Variants in SLFN13 observed in about 807,000 individuals in gnomAD.
SLFN13 encodes the protein schlafen-13.
In SLFN13, 43 loss-of-function variants were observed where a neutral mutation model predicts 50.6. The ratio of observed to expected loss-of-function variants is 0.85; its 90% CI spans 0.67 to 1.09. SLFN13 has a LOEUF of 1.09. Among genes scored for constraint, SLFN13 ranks in the 50% least tolerant of loss-of-function variants. The probability of loss-of-function intolerance (pLI) is 0.00; values close to 1 mark genes in which losing one functional copy is unlikely to be tolerated. For synonymous variants in SLFN13, 339 were observed against 386.5 expected, an observed-to-expected ratio of 0.88 and a Z score of 1.44; for missense variants, 881 against 1,071.1, an observed-to-expected ratio of 0.82 and a Z score of 2.48.
chr17:35,446,315 A>G (rs1413837546), intron 2 of SLFN13, among the ~76,000 whole-genome samples: 1 of 152,212 alleles, frequency 6.6e-6, no homozygotes, highest in Non-Finnish European at 1.5e-5. Flanking sequence ...TAATGACTGG[A>G]AAGTGTTACT....
In SLFN13 at chr17:35,445,625, A is replaced by T; in HGVS notation, c.56T>A (p.Ile19Asn). 1 of 1,614,080 alleles carries T rather than the reference A, an allele frequency of 6.2e-7. No homozygotes were observed. ...TCCCAGAGTCACTTCTCCGACATCG[A>T]TGACCAGGTCTGGGTAAGATGGATA... The part of the protein sequence containing the change: ...GVYPSYPDLV[I>N]DVGEVTLGEE... Residue 19 changes from isoleucine to asparagine, a missense_variant, in exon 3 of 6, where the codon ATC becomes AAC. Ile to Asn is a moderately radical substitution (Grantham distance 149). Around this residue, in one of 5 missense-constraint regions of SLFN13, gnomAD observed 497 missense variants for 518.3 expected, o/e 0.96. Transcript: ENST00000285013.
In SLFN13 at chr17:35,445,337, T is replaced by C. The variant is rs111772044; in HGVS notation, c.344A>G (p.Asp115Gly). 463 of 1,613,862 alleles carry C rather than the reference T, an allele frequency of 2.9e-4. 3 individuals are homozygous for C. The African/African-American group carries it at 5.3e-3, about 19-fold the overall frequency. ...GAAAGAACCATCTTTAAGGAAAGGATCACCACTCCAAGATTTAACAAAAAT... is the reference window on the plus strand; with the variant it reads ...GAAAGAACCATCTTTAAGGAAAGGACCACCACTCCAAGATTTAACAAAAAT... ...FYIFVKSWSG[D>G]PFLKDGSFNS... Residue 115 changes from aspartate to glycine, a missense_variant, in exon 3 of 6, where the codon GAT becomes GGT. By Grantham distance (94) the Asp-to-Gly change is moderately conservative. Transcript: ENST00000285013.
intron 3 of SLFN13, 53 bp downstream of exon 3, chr17:35,444,562 G>T (rs1371075394): frequency 2.0e-6 from 3 of 1,468,150 alleles, no homozygotes; most frequent in Non-Finnish European, 2.8e-6. Context: ...GAAGGAAGTG[G>T]TATTGGGGAA....
intron 2 of SLFN13, among the ~76,000 whole-genome samples, chr17:35,446,387 G>A (rs1306817699): frequency 6.6e-6 from 1 of 152,148 alleles, no homozygotes; most frequent in Non-Finnish European, 1.5e-5. Flanking sequence ...TCAGACACCT[G>A]GGAAATGGGC....
In SLFN13 at chr17:35,441,031, G is replaced by A; in HGVS notation, c.2258C>T (p.Pro753Leu). The A allele has an allele frequency of 6.2e-7, 1 of 1,613,164 alleles. No homozygotes were observed. Among genetic ancestry groups the A allele is most frequent in the Non-Finnish European group, 8.5e-7 (1 of 1,179,994 alleles). ...CAGATACCCATGGGGGATATTAATT[G>A]GAGGATTTTCTATAATTAGTTGCAT... ...QEMQLIIENP[P>L]INIPHGYLAI... The change falls in exon 6 of 6, where the codon CCA becomes CTA. Residue 753 changes from proline to leucine, a missense_variant. Pro to Leu is a moderately conservative substitution (Grantham distance 98). Around this residue, in one of 5 missense-constraint regions of SLFN13, gnomAD observed 322 missense variants for 327.4 expected, o/e 0.98. Transcript: ENST00000285013.
At chr17:35,441,442 C>G in intron 5 of SLFN13, 76 bp from the exon 6 acceptor site, 1 of 1,577,326 alleles carries the variant, frequency 6.3e-7, no homozygotes, top group Non-Finnish European at 8.6e-7. Flanking sequence ...CATGTTCCTC[C>G]GAGCACAGTA....
intron 2 of SLFN13, chr17:35,446,893 C>T (rs1164813889): frequency 6.6e-6 from 1 of 152,208 alleles, no homozygotes; most frequent in Admixed American, 6.5e-5. Context: ...AGGATTCTGT[C>T]TTGCATTCCG....
upstream of SLFN13, among the ~76,000 whole-genome samples, chr17:35,449,561 T>A (rs1294584386): frequency 6.6e-6 from 1 of 152,174 alleles, no homozygotes; most frequent in Non-Finnish European, 1.5e-5. Context: ...CGGGCGGCAC[T>A]CGGTTCCTGG....
At chr17:35,445,741 C>G (rs1208711497) in intron 2 of SLFN13, 48 bp from the exon 3 acceptor site, 24 of 1,386,238 alleles carry the variant, frequency 1.7e-5, no homozygotes, top group Non-Finnish European at 2.2e-5. Flanking sequence ...AAAATTGTTA[C>G]AGGCCTGCAA....
intron 1 of SLFN13, among the ~76,000 whole-genome samples, chr17:35,447,735 T>G (rs1179187291): frequency 1.3e-5 from 2 of 152,134 alleles, no homozygotes; most frequent in Non-Finnish European, 1.5e-5. Context: ...CAGAGCTCTT[T>G]GTCCTTCTCA....
chr17:35,448,402 A>T (rs921896649), intron 1 of SLFN13: 2 of 152,210 alleles, frequency 1.3e-5, no homozygotes, highest in African/African-American at 4.8e-5. Flanking sequence ...TAGCCCGCCA[A>T]GCCGCCGGCG....
In SLFN13 at chr17:35,441,130, G is replaced by T. The variant is rs1292824983; in HGVS notation, c.2159C>A (p.Ala720Glu). 1.3e-5 allele frequency: 21 copies of T among 1,614,008 alleles called. No individual in the cohort carries two copies. Among genetic ancestry groups the T allele is most frequent in the Admixed American group, 3.3e-5 (2 of 60,016 alleles). The change falls in exon 6 of 6, where the codon GCA (alanine) becomes GAA (glutamate). Residue 720 changes from alanine (A) to glutamate (E), a missense_variant. Physicochemically the swap from Ala to Glu is moderately radical, Grantham distance 107. Coordinates refer to ENST00000285013, the MANE Select transcript of SLFN13 (RefSeq NM_144682.6). ...GGTGAGCTCTTCTCTTGGATACTGT[G>T]CTGAGAGAGGGGGAAGGCCACTGTG... ...LGHSGLPPLSAQYPREELTRV... is the reference protein window; with the variant it reads ...LGHSGLPPLSEQYPREELTRV...
At position 35,440,381 on chromosome 17, in the gene SLFN13, C is replaced by T. The variant is rs767066510; in HGVS notation, c.*214G>A. ...CTTTCTGGCTGCAAGAGTCAGGGGTCAGAATGGGGGGCAGCCACCACTGCT... is the reference window on the plus strand; with the variant it reads ...CTTTCTGGCTGCAAGAGTCAGGGGTTAGAATGGGGGGCAGCCACCACTGCT... On this transcript the variant is annotated 3_prime_UTR_variant, in exon 6 of 6. Transcript: ENST00000285013. 27 of 608,894 alleles carry T rather than the reference C, an allele frequency of 4.4e-5. No homozygotes were observed. Among genetic ancestry groups the T allele is most frequent in the South Asian group, 4.3e-5 (2 of 46,680 alleles). 37.7% of individuals were successfully genotyped at this position (608,894 alleles called of 1,614,324 possible).
intron 4 of SLFN13, among the ~76,000 whole-genome samples, chr17:35,442,908 T>C (rs1304576998): frequency 6.6e-6 from 1 of 152,214 alleles, no homozygotes; most frequent in Admixed American, 6.5e-5. Flanking sequence ...GGATTCTTAA[T>C]GTGGAATGTT....
Position 35,443,967 on chromosome 17 carries a change from G to A in SLFN13, c.1067-47C>T, listed in dbSNP as rs115819458. On this transcript the variant is annotated intron_variant, in intron 3 of 5. Coordinates refer to ENST00000285013, the MANE Select transcript of SLFN13 (RefSeq NM_144682.6). ...TTTACACTATATGATTTCATGTCTC[G>A]CTATTGGAATAGGCTGTACAAGGCT... 3,190 of 1,585,612 alleles carry A rather than the reference G, an allele frequency of 2.0e-3. 35 individuals are homozygous for A. The African/African-American group carries it at 0.028, about 14-fold the overall frequency.
chr17:35,438,698 A>G lies in SLFN13; in HGVS notation c.*1897T>C, dbSNP rs1912706750. 6.6e-6 allele frequency: 1 copy of G among 152,166 alleles called. No individual in the cohort carries two copies. Among genetic ancestry groups the G allele is most frequent in the Non-Finnish European group, 1.5e-5 (1 of 68,032 alleles). The allele number at this position is 152,166 out of a possible 1,614,324, so 9.4% of individuals were successfully genotyped here. A position where few individuals can be genotyped will look rare whatever the true frequency, so the allele number is the denominator to read the frequency against. On this transcript the variant is annotated 3_prime_UTR_variant, in exon 6 of 6. Coordinates refer to ENST00000285013, the MANE Select transcript of SLFN13 (RefSeq NM_144682.6). ...AACTGGAATTCCATGAGTTAACACA[A>G]ATAGGAGAAAGACTGGCAGAAAAGT...
chr17:35,443,764 T>C, intron 4 of SLFN13, 25 bp downstream of exon 4: 7 of 1,600,386 alleles, frequency 4.4e-6, no homozygotes, highest in Non-Finnish European at 5.1e-6. Flanking sequence ...CCTTCTCTCC[T>C]GATGTAAAAA....
rs909016086 is a variant in SLFN13, at chr17:35,436,409, C to A, written c.*4186G>T. The A allele has an allele frequency of 2.6e-5, 4 of 152,004 alleles. No individual in the cohort carries two copies. Among genetic ancestry groups the A allele is most frequent in the African/African-American group, 4.8e-5 (2 of 41,374 alleles). 9.4% of individuals were successfully genotyped at this position (152,004 alleles called of 1,614,324 possible). A position where few individuals can be genotyped will look rare whatever the true frequency, so the allele number is the denominator to read the frequency against. On this transcript the variant is annotated 3_prime_UTR_variant, in exon 6 of 6. Transcript: ENST00000285013. The stretch of plus-strand genomic sequence containing the variant: ...GTGATCAGTATCAGTTCTCTGAACT[C>A]TTTGAATAATTACTTTTTAATTAGA...
chr17:35,444,524 T>C, intron 3 of SLFN13, 91 bp downstream of exon 3: 1 of 1,143,676 alleles, frequency 8.7e-7, no homozygotes, highest in Non-Finnish European at 1.2e-6. Flanking sequence ...TTTCAGTGGG[T>C]GTGAGAAGGT....
Sources: gnomAD v4.1 joint callset for allele counts (sites outside exome capture counted in the v4.1 genomes callset) on GRCh38, gnomAD v4.1.1 for gene constraint, gnomAD v4.1.1 regional missense constraint, MANE v1.5 for transcripts, NCBI Gene and HGNC (gene_info 2026-07-23, HGNC 2026-07-21) for gene names.